CTNNBL1: variants seen among roughly 807,000 people sequenced by gnomAD.
CTNNBL1 encodes the protein catenin beta like 1, also known as beta-catenin-like protein 1.
In CTNNBL1, 31 loss-of-function variants were observed where a neutral mutation model predicts 72.7. The ratio of observed to expected loss-of-function variants is 0.43; its 90% CI spans 0.32 to 0.58. CTNNBL1 has a LOEUF of 0.58. Among genes scored for constraint, CTNNBL1 ranks in the 20% least tolerant of loss-of-function variants. CTNNBL1 has a pLI of 0.08. For synonymous variants in CTNNBL1, 240 were observed against 267.3 expected (o/e 0.90, Z 1.00); for missense variants, 534 against 725.1 (o/e 0.74, Z 3.03).
intron 1 of CTNNBL1, 148 bp from the exon 2 acceptor site, chr20:37,732,731 C>T (rs1305603646): frequency 1.7e-6 from 1 of 584,078 alleles, no homozygotes; most frequent in Non-Finnish European, 2.9e-6. Flanking sequence ...AGGGTTTTAC[C>T]ATGTTGCCTC....
rs202160520 is a variant in CTNNBL1, at chr20:37,752,430, A to AT, written c.467-5123dup. On this transcript the variant is annotated intron_variant, in intron 4 of 15. Transcript: ENST00000361383. The stretch of plus-strand genomic sequence containing the variant: ...CTAGTCTAGAAATTAAAGAAAAGAT[A>AT]TTTTTTAACTCACATTTATTGCATT... Among the ~76,000 whole-genome samples, 47 of 152,274 alleles carry AT rather than the reference A, an allele frequency of 3.1e-4. 1 individual carries two copies. The East Asian group carries it at 8.9e-3, about 29-fold the overall frequency.
chr20:37,707,929 G>T (rs994017453), intron 1 of CTNNBL1, among the ~76,000 whole-genome samples: 1 of 72,092 alleles, frequency 1.4e-5, no homozygotes, highest in African/African-American at 4.8e-5. Context: ...GAGACCTGAG[G>T]AGAGAGAGAG....
At chr20:37,761,822 GA>G (rs761398928) in intron 5 of CTNNBL1, among the ~76,000 whole-genome samples, 8 of 152,252 alleles carry the variant, frequency 5.3e-5, no homozygotes, top group Non-Finnish European at 1.2e-4. Context: ...AGTTCTGGAA[GA>G]AACCAGCCAT....
chr20:37,746,614 T>G lies in CTNNBL1; in HGVS notation c.466+7T>G, dbSNP rs775644557. ...CTCGGACACGATAATACAGATATCCTTTCAGATCTGACCTCAGTAGGAGAG... is the reference window on the plus strand; with the variant it reads ...CTCGGACACGATAATACAGATATCCGTTCAGATCTGACCTCAGTAGGAGAG... On this transcript the variant is annotated splice_region_variant and intron_variant, in intron 4 of 15. Coordinates refer to ENST00000361383, the MANE Select transcript of CTNNBL1 (RefSeq NM_030877.5). The G allele has an allele frequency of 1.2e-5, 20 of 1,613,556 alleles. No individual in the cohort carries two copies. The South Asian group carries it at 2.1e-4, about 17-fold the overall frequency.
intron 13 of CTNNBL1, among the ~76,000 whole-genome samples, chr20:37,847,278 A>T (rs192647466): frequency 6.6e-6 from 1 of 152,312 alleles, no homozygotes; most frequent in Non-Finnish European, 1.5e-5. Context: ...CACGTATTAC[A>T]ATAATCTGTA....
chr20:37,725,939 G>C (rs958188351), intron 1 of CTNNBL1, among the ~76,000 whole-genome samples: 1 of 151,988 alleles, frequency 6.6e-6, no homozygotes, highest in Non-Finnish European at 1.5e-5. Flanking sequence ...AGCCGAGATC[G>C]CACCACTGCA....
At chr20:37,840,502 G>A (rs1391396765) in intron 12 of CTNNBL1, among the ~76,000 whole-genome samples, 1 of 152,246 alleles carries the variant, frequency 6.6e-6, no homozygotes, top group Non-Finnish European at 1.5e-5. Context: ...GCATAGCAAA[G>A]TGATTAAGAG....
intron 11 of CTNNBL1, among the ~76,000 whole-genome samples, chr20:37,834,154 G>A (rs2072235462): frequency 6.6e-6 from 1 of 152,072 alleles, no homozygotes; most frequent in Admixed American, 6.5e-5. Context: ...CAAAGAAGAT[G>A]GTTATTCTAT....
At chr20:37,771,148 A>C (rs1157308683) in intron 7 of CTNNBL1, among the ~76,000 whole-genome samples, 1 of 152,216 alleles carries the variant, frequency 6.6e-6, no homozygotes, top group Admixed American at 6.5e-5. Context: ...TTGCGAAATC[A>C]AATATGATAA....
intron 1 of CTNNBL1, among the ~76,000 whole-genome samples, chr20:37,698,391 C>T (rs887175875): frequency 1.3e-5 from 2 of 152,118 alleles, no homozygotes; most frequent in Non-Finnish European, 2.9e-5. Flanking sequence ...AGAGGCCCAC[C>T]CGTTAGGCAC....
intron 1 of CTNNBL1, among the ~76,000 whole-genome samples, chr20:37,730,208 C>CA (rs1016590146): frequency 4.3e-4 from 65 of 152,144 alleles, no homozygotes; most frequent in African/African-American, 1.5e-3. Context: ...CTCTTATTAC[C>CA]AAACAACTTA....
chr20:37,824,253 T>C (rs543109141), intron 11 of CTNNBL1, among the ~76,000 whole-genome samples: 1 of 152,352 alleles, frequency 6.6e-6, no homozygotes, highest in Non-Finnish European at 1.5e-5. Context: ...GAAAAAACTG[T>C]GTCGCTGCTT....
At chr20:37,757,770 G>A (rs1163823673) in intron 5 of CTNNBL1, 114 bp downstream of exon 5, 2 of 711,460 alleles carry the variant, frequency 2.8e-6, no homozygotes, top group Non-Finnish European at 5.0e-6. Context: ...GCTGGAGTGT[G>A]GTGAGGCTGG....
Position 37,757,541 on chromosome 20 carries a change from A to G in CTNNBL1, c.467-18A>G, listed in dbSNP as rs760250606. On this transcript the variant is annotated intron_variant, in intron 4 of 15. Transcript: ENST00000361383. The stretch of plus-strand genomic sequence containing the variant: ...GGTACCGTTTCAGTATGTGTGTTAT[A>G]CCCTTAACATTTTTCACATGTGTCC... The G allele has an allele frequency of 3.8e-6, 6 of 1,576,686 alleles. No individual in the cohort carries two copies. The highest frequency in any genetic ancestry group is 5.2e-6 in the Non-Finnish European group (6 of 1,146,532).
intron 1 of CTNNBL1, among the ~76,000 whole-genome samples, chr20:37,708,356 G>A (rs944757094): frequency 2.6e-5 from 4 of 152,024 alleles, no homozygotes; most frequent in African/African-American, 9.7e-5. Flanking sequence ...ATTTTTTGTA[G>A]AGATGGGGTT....
At chr20:37,719,560 G>A (rs1176678197) in intron 1 of CTNNBL1, among the ~76,000 whole-genome samples, 1 of 152,206 alleles carries the variant, frequency 6.6e-6, no homozygotes, top group Non-Finnish European at 1.5e-5. Context: ...GAGCTAGGTA[G>A]CTGCTTAGTA....
rs528337013 is a variant in CTNNBL1, at chr20:37,732,977, A to G, written c.129A>G (p.Glu43=). 1 of 1,614,122 alleles carries G rather than the reference A, an allele frequency of 6.2e-7. No individual in the cohort carries two copies. Among genetic ancestry groups the G allele is most frequent in the South Asian group, 1.1e-5 (1 of 91,078 alleles). ...CTCGAGAACGCGGCCGCTATCGGGA[A>G]GAAGAAATGACTGTGGTGGAGGAAG... ...TGTRERGRYR[E]EEMTVVEEAD... is the part of the protein sequence containing the mutation. The change falls in exon 2 of 16, where the codon GAA becomes GAG. Residue 43 remains glutamate, a synonymous_variant. Transcript: ENST00000361383.
At chr20:37,707,699 A>G (rs1236542908) in intron 1 of CTNNBL1, among the ~76,000 whole-genome samples, 1 of 152,194 alleles carries the variant, frequency 6.6e-6, no homozygotes, top group Non-Finnish European at 1.5e-5. Flanking sequence ...AATATCCTTC[A>G]AGAGCTTTTC....
chr20:37,797,109 A>C (rs887155887), intron 10 of CTNNBL1, among the ~76,000 whole-genome samples: 10 of 151,878 alleles, frequency 6.6e-5, no homozygotes, highest in African/African-American at 2.4e-4. Flanking sequence ...TTATTTATTT[A>C]TTTTTTGTTT....
Sources: allele counts gnomAD v4.1 joint callset (sites outside exome capture counted in the v4.1 genomes callset), GRCh38; gene constraint gnomAD v4.1.1; transcripts MANE v1.5; gene names NCBI Gene and HGNC (gene_info 2026-07-23, HGNC 2026-07-21).